Variants in KLF11 observed in about 807,000 individuals in gnomAD.
KLF11 encodes the protein Krueppel-like factor 11.
KLF11 carries 26 observed loss-of-function variants against 29.9 expected under a neutral mutation model. The observed-to-expected ratio is 0.87, with a 90% CI of 0.64 to 1.21. The LOEUF (loss-of-function observed/expected upper bound fraction) is 1.21, where lower values mean the gene tolerates loss of function less well. KLF11 is among the 50% of genes most tolerant of loss of function. KLF11 has a pLI of 0.00. For missense variants in KLF11, 778 were observed against 665.7 expected (o/e 1.17, Z -1.86); for synonymous variants, 318 against 257.4 (o/e 1.24, Z -2.25).
chr2:10,054,664 G>C lies in KLF11; in HGVS notation c.*2157G>C, dbSNP rs956331397. 6.6e-6 allele frequency: 1 copy of C among 152,636 alleles called. No homozygotes were observed. Among genetic ancestry groups the C allele is most frequent in the Non-Finnish European group, 1.5e-5 (1 of 68,032 alleles). The allele number at this position is 152,636 out of a possible 1,614,324, so 9.5% of individuals were successfully genotyped here. Reference sequence around the variant, plus strand: ...GTGGGCTCCCCTCGTGCACTTTATTGCCTGGGCAGTTTTGCTTGATCTTTT... The same window carrying C: ...GTGGGCTCCCCTCGTGCACTTTATTCCCTGGGCAGTTTTGCTTGATCTTTT... On this transcript the variant is annotated 3_prime_UTR_variant, in exon 4 of 4. Transcript: ENST00000305883.
In KLF11 at chr2:10,048,475, C is replaced by G. The variant is rs759926537; in HGVS notation, c.1138C>G (p.Gln380Glu). The change falls in exon 3 of 4, where the codon CAA becomes GAA. Residue 380 changes from glutamine (Q) to glutamate (E), a missense_variant. Gln to Glu is a conservative substitution (Grantham distance 29, BLOSUM62 2). Coordinates refer to ENST00000305883, the MANE Select transcript of KLF11 (RefSeq NM_003597.5). ...APAPVFITSS[Q>E]NCVPQVDFSR... ...TGCTCCAGTGTTCATCACCTCTAGC[C>G]AAAACTGTGTCCCTCAGGTAGACTT... is the stretch of plus-strand genomic sequence containing the variant. The G allele has an allele frequency of 1.2e-6, 2 of 1,614,066 alleles. No homozygotes were observed. The highest frequency in any genetic ancestry group is 2.2e-5 in the South Asian group (2 of 91,088).
In KLF11 at chr2:10,046,353, C is replaced by T; in HGVS notation, c.246C>T (p.Thr82=). 1 of 1,614,190 alleles carries T rather than the reference C, an allele frequency of 6.2e-7. No individual in the cohort carries two copies. Residue 82 remains threonine, a synonymous_variant, in exon 2 of 4, where the codon ACC becomes ACT. Transcript: ENST00000305883. The stretch of plus-strand genomic sequence containing the variant: ...CTGTCTCTGACTCTGGGGATGTCAC[C>T]ACCACTGTGCATATGGATGCAGCCA... ...LTPVSDSGDV[T]TTVHMDAATP... is the part of the protein sequence containing the mutation.
At chr2:10,045,529 G>A (rs1273437940) in intron 1 of KLF11, among the ~76,000 whole-genome samples, 16 of 152,182 alleles carry the variant, frequency 1.1e-4, no homozygotes, top group African/African-American at 3.9e-4. Flanking sequence ...ATCCTCTCCG[G>A]GTTCGCGGCA....
intron 3 of KLF11, among the ~76,000 whole-genome samples, chr2:10,051,397 C>T (rs936124751): frequency 6.6e-6 from 1 of 152,026 alleles, no homozygotes; most frequent in African/African-American, 2.4e-5. Context: ...TTAGTAGAGA[C>T]AGTTTCGCCA....
In KLF11 at chr2:10,053,874, C is replaced by T. The variant is rs1014827562; in HGVS notation, c.*1367C>T. The T allele has an allele frequency of 1.3e-5, 2 of 154,594 alleles. No individual in the cohort carries two copies. The highest frequency in any genetic ancestry group is 2.9e-5 in the Non-Finnish European group (2 of 69,626). The allele number at this position is 154,594 out of a possible 1,614,324, so 9.6% of individuals were successfully genotyped here. ...ATGTAGGAACATACAGAATGTTGCA[C>T]TAATTTGGTAGCCTGGGAATTTTTT... is the stretch of plus-strand genomic sequence containing the variant. On this transcript the variant is annotated 3_prime_UTR_variant, in exon 4 of 4. Coordinates refer to ENST00000305883, the MANE Select transcript of KLF11 (RefSeq NM_003597.5).
intron 1 of KLF11, 72 bp from the exon 2 acceptor site, chr2:10,046,078 T>C: frequency 3.2e-6 from 5 of 1,582,546 alleles, no homozygotes; most frequent in Non-Finnish European, 3.5e-6. Flanking sequence ...GATATGCATA[T>C]CCACATGCCC....
rs549299869 is a variant in KLF11 at position 10,045,749 on chromosome 2, C to T, written c.43-401C>T. Among the ~76,000 whole-genome samples the T allele has an allele frequency of 6.0e-3, 918 of 152,388 alleles. 9 individuals are homozygous for T. The highest frequency in any genetic ancestry group is 0.021 in the African/African-American group (885 of 41,594). On this transcript the variant is annotated intron_variant, in intron 1 of 3. Transcript: ENST00000305883. The stretch of plus-strand genomic sequence containing the variant: ...CCTCAGAGAGCCATGGTCAGGGCGC[C>T]GCGGCCACTGGCAGACCGACTAGAT...
chr2:10,044,254 G>A (rs1410332988), intron 1 of KLF11: 18 of 979,438 alleles, frequency 1.8e-5, no homozygotes, highest in South Asian at 4.7e-5. Flanking sequence ...AGGGGCCGGG[G>A]CAACGACGGG....
chr2:10,049,328 T>C (rs1160089536), intron 3 of KLF11, among the ~76,000 whole-genome samples: 4 of 152,254 alleles, frequency 2.6e-5, no homozygotes, highest in Admixed American at 2.0e-4. Flanking sequence ...TGCGCAGCAG[T>C]GGTCTGAGTG....
chr2:10,046,012 C>T (rs1040721766), intron 1 of KLF11, 138 bp from the exon 2 acceptor site: 4 of 968,200 alleles, frequency 4.1e-6, no homozygotes, highest in African/African-American at 3.2e-5. Context: ...TACTACACCT[C>T]GGTGTTTGTT....
At chr2:10,048,839 T>C (rs373260617) in intron 3 of KLF11, among the ~76,000 whole-genome samples, 1 of 151,852 alleles carries the variant, frequency 6.6e-6, no homozygotes, top group Non-Finnish European at 1.5e-5. Context: ...TCTGTGATTG[T>C]GTCTTTTGGT....
At position 10,043,930 on chromosome 2, in the gene KLF11, CGCGACGGGCGCGCCCGGGTCGGCGGGG is replaced by C. The variant is rs920658838; in HGVS notation, c.42+177_42+203del. On this transcript the variant is annotated intron_variant, in intron 1 of 3. Coordinates refer to ENST00000305883, the MANE Select transcript of KLF11 (RefSeq NM_003597.5). Reference sequence around the variant, plus strand: ...CTCCGGAGCCGGGCGGGGCGGCGGCCGCGACGGGCGCGCCCGGGTCGGCGGGGGCGAGGAGGGGGCGTGTTCCCCGCG... The same window carrying C: ...CTCCGGAGCCGGGCGGGGCGGCGGCCGCGAGGAGGGGGCGTGTTCCCCGCG... 6.2e-5 allele frequency: 62 copies of C among 1,001,190 alleles called. No homozygotes were observed. The Admixed American group carries it at 8.2e-4, about 13-fold the overall frequency. The allele number at this position is 1,001,190 out of a possible 1,614,324, so 62.0% of individuals were successfully genotyped here.
At position 10,047,704 on chromosome 2, in the gene KLF11, G is replaced by T. The variant is rs1414787822; in HGVS notation, c.367G>T (p.Val123Phe). The T allele has an allele frequency of 6.2e-7, 1 of 1,613,494 alleles. No homozygotes were observed. Residue 123 changes from valine to phenylalanine, a missense_variant, in exon 3 of 4, where the codon GTT (valine) becomes TTT (phenylalanine). Physicochemically the swap from Val to Phe is conservative, Grantham distance 50. Coordinates refer to ENST00000305883, the MANE Select transcript of KLF11 (RefSeq NM_003597.5). ...CGTGGAGCCATCGACAAGGACACCT[G>T]TTTCTCCCCAAGTAACAGATTCCAA... ...DLVEPSTRTP[V>F]SPQVTDSKAC...
chr2:10,047,634 G>A lies in KLF11; in HGVS notation c.313-16G>A, dbSNP rs1450566504. Reference sequence around the variant, plus strand: ...AAATTTAAAGCAACCTTTTAACATGGTACTTTTTTTTTTAGTGCATAACTC... The same window carrying A: ...AAATTTAAAGCAACCTTTTAACATGATACTTTTTTTTTTAGTGCATAACTC... On this transcript the variant is annotated splice_polypyrimidine_tract_variant and intron_variant, in intron 2 of 3. Coordinates refer to ENST00000305883, the MANE Select transcript of KLF11 (RefSeq NM_003597.5). 6.3e-7 allele frequency: 1 copy of A among 1,595,914 alleles called. No individual in the cohort carries two copies. Among genetic ancestry groups the A allele is most frequent in the African/African-American group, 1.3e-5 (1 of 74,520 alleles).
Position 10,048,446 on chromosome 2 carries a change from C to A in KLF11, c.1109C>A (p.Ala370Asp), listed in dbSNP as rs1228018969. 9.3e-6 allele frequency: 15 copies of A among 1,614,078 alleles called. No individual in the cohort carries two copies. The highest frequency in any genetic ancestry group is 1.3e-5 in the Non-Finnish European group (15 of 1,180,046). The change falls in exon 3 of 4, where the codon GCC (alanine) becomes GAC (aspartate). Residue 370 changes from alanine (A) to aspartate (D), a missense_variant. Ala to Asp is a moderately radical substitution (Grantham distance 126). Transcript: ENST00000305883. ...AAGNTKLLPL[A>D]PAPVFITSSQ... Reference sequence around the variant, plus strand: ...GGGAATACCAAGTTGTTGCCCCTTGCCCCTGCTCCAGTGTTCATCACCTCT... The same window carrying A: ...GGGAATACCAAGTTGTTGCCCCTTGACCCTGCTCCAGTGTTCATCACCTCT...
chr2:10,048,871 T>C (rs1409997197), intron 3 of KLF11, among the ~76,000 whole-genome samples: 1 of 150,462 alleles, frequency 6.6e-6, no homozygotes, highest in African/African-American at 2.4e-5. Flanking sequence ...TGACTTACAG[T>C]GCCCCCTTCT....
Position 10,043,731 on chromosome 2 carries a change from C to T in KLF11, c.15C>T (p.Asp5=). Residue 5 remains aspartate (D), a synonymous_variant, in exon 1 of 4, where the codon GAC becomes GAT. Transcript: ENST00000305883. MHTP[D]FAGPDDARAV... Reference sequence around the variant, plus strand: ...CGGCCTGCACGATGCACACGCCGGACTTCGCAGGCCCAGACGACGCGCGCG... The same window carrying T: ...CGGCCTGCACGATGCACACGCCGGATTTCGCAGGCCCAGACGACGCGCGCG... 2.2e-6 allele frequency: 3 copies of T among 1,381,860 alleles called. No homozygotes were observed. The highest frequency in any genetic ancestry group is 1.3e-5 in the South Asian group (1 of 78,718). The allele number at this position is 1,381,860 out of a possible 1,614,324, so 85.6% of individuals were successfully genotyped here.
At position 10,046,334 on chromosome 2, in the gene KLF11, C is replaced by G. The variant is rs1468308669; in HGVS notation, c.227C>G (p.Ser76Cys). The G allele has an allele frequency of 6.2e-7, 1 of 1,614,096 alleles. No homozygotes were observed. The highest frequency in any genetic ancestry group is 1.3e-5 in the African/African-American group (1 of 74,940). Residue 76 changes from serine to cysteine, a missense_variant, in exon 2 of 4, where the codon TCT becomes TGT. Transcript: ENST00000305883. ...LLRIRPLTPV[S>C]DSGDVTTTVH... ...CGGATAAGACCCCTCACGCCTGTCTCTGACTCTGGGGATGTCACCACCACT... is the reference window on the plus strand; with the variant it reads ...CGGATAAGACCCCTCACGCCTGTCTGTGACTCTGGGGATGTCACCACCACT...
At chr2:10,045,831 T>G (rs1661180020) in intron 1 of KLF11, among the ~76,000 whole-genome samples, 1 of 152,250 alleles carries the variant, frequency 6.6e-6, no homozygotes, top group South Asian at 2.1e-4. Flanking sequence ...AGCCACTTTT[T>G]GGCTTGAACC....
Sources: gnomAD v4.1 joint callset for allele counts (sites outside exome capture counted in the v4.1 genomes callset) on GRCh38, gnomAD v4.1.1 for gene constraint, MANE v1.5 for transcripts, NCBI Gene and HGNC (gene_info 2026-07-23, HGNC 2026-07-21) for gene names.